Variants in ANKUB1 observed in about 807,000 individuals in gnomAD.
ANKUB1 encodes the protein ankyrin repeat and ubiquitin domain containing 1.
ANKUB1 carries 42 observed loss-of-function variants against 49.3 expected under a neutral mutation model. The observed-to-expected ratio is 0.85, with a 90% CI of 0.67 to 1.10. The LOEUF (loss-of-function observed/expected upper bound fraction) is 1.10. Ranked by LOEUF, ANKUB1 falls within the 50% of genes least tolerant of loss-of-function variation. The pLI, the probability that ANKUB1 is intolerant of heterozygous loss-of-function variation, is 0.00. For missense variants in ANKUB1, 613 were observed against 642.0 expected (o/e 0.95, Z 0.49); for synonymous variants, 222 against 231.0 (o/e 0.96, Z 0.35).
rs116962630 is a variant in ANKUB1 at position 149,762,431 on chromosome 3, A to G, written c.1506-818T>C. Among the ~76,000 whole-genome samples, 629 of 152,334 alleles carry G rather than the reference A, an allele frequency of 4.1e-3. 11 individuals carry two copies. Among genetic ancestry groups the G allele is most frequent in the East Asian group, 0.016 (83 of 5,194 alleles). On this transcript the variant is annotated intron_variant, in intron 5 of 5. Coordinates refer to ENST00000446160, the MANE Select transcript of ANKUB1 (RefSeq NM_001144960.3). ...ATCCTCACCATCTCCAAAGCTAGAA[A>G]CGAAACTAAATTCCTTCTTTCTCTA... is the stretch of plus-strand genomic sequence containing the variant.
At chr3:149,764,261 T>C (rs1286558081) in intron 5 of ANKUB1, among the ~76,000 whole-genome samples, 2 of 152,140 alleles carry the variant, frequency 1.3e-5, no homozygotes, top group Non-Finnish European at 2.9e-5. Flanking sequence ...GTGACTTCTA[T>C]GGGGAACTTG....
At chr3:149,788,760 T>TTTTTCTTTTTCTTTTC (rs1264239094) in intron 2 of ANKUB1, among the ~76,000 whole-genome samples, 1 of 151,702 alleles carries the variant, frequency 6.6e-6, no homozygotes. Flanking sequence ...AAGGGAGAGT[T>TTTTTCTTTTTCTTTTC]TTTTCTTTTT....
intron 3 of ANKUB1, among the ~76,000 whole-genome samples, chr3:149,772,276 C>T (rs915755412): frequency 2.6e-4 from 39 of 152,192 alleles, no homozygotes; most frequent in African/African-American, 9.2e-4. Flanking sequence ...CCGCCTTGGC[C>T]TCCCACAGTG....
At position 149,761,603 on chromosome 3, in the gene ANKUB1, C is replaced by T. The variant is rs1190662234; in HGVS notation, c.1516G>A (p.Glu506Lys). 1.4e-5 allele frequency: 21 copies of T among 1,550,790 alleles called. No homozygotes were observed. Among genetic ancestry groups the T allele is most frequent in the Non-Finnish European group, 1.7e-5 (19 of 1,146,586 alleles). The part of the protein sequence containing the change: ...YCLAVASAFK[E>K]KRWLQQLEIA... ...TCTAACTGCTGAAGCCATCGTTTCT[C>T]TTTAAAGGCACTGCAAGAAAACAAG... Residue 506 changes from glutamate to lysine, a missense_variant, in exon 6 of 6, where the codon GAG (glutamate) becomes AAG (lysine). By Grantham distance (56) the Glu-to-Lys change is moderately conservative (BLOSUM62 1). Coordinates refer to ENST00000446160, the MANE Select transcript of ANKUB1 (RefSeq NM_001144960.3).
At chr3:149,786,891 G>C (rs1320178830) in intron 2 of ANKUB1, among the ~76,000 whole-genome samples, 1 of 152,124 alleles carries the variant, frequency 6.6e-6, no homozygotes, top group Admixed American at 6.5e-5. Flanking sequence ...GTCAATGTGT[G>C]ATATTATTTC....
intron 2 of ANKUB1, among the ~76,000 whole-genome samples, chr3:149,789,652 T>C (rs9873228): frequency 0.83 from 122,617 of 148,372 alleles, 50,769 homozygotes; most frequent in East Asian, 0.9. Context: ...TTTTCCGAGA[T>C]GGGGTCTCAC....
chr3:149,788,163 C>A (rs1165510238), intron 2 of ANKUB1, among the ~76,000 whole-genome samples: 1 of 152,114 alleles, frequency 6.6e-6, no homozygotes, highest in Non-Finnish European at 1.5e-5. Context: ...AGTAAAGCAA[C>A]TAACATGACT....
intron 5 of ANKUB1, among the ~76,000 whole-genome samples, chr3:149,764,517 C>T (rs570027344): frequency 1.9e-5 from 2 of 106,570 alleles, no homozygotes; most frequent in African/African-American, 3.9e-5. Context: ...CACCACTCCC[C>T]CTATGGGTCT....
chr3:149,785,026 A>AG (rs1281568131), intron 2 of ANKUB1, among the ~76,000 whole-genome samples: 2 of 152,190 alleles, frequency 1.3e-5, no homozygotes, highest in Non-Finnish European at 2.9e-5. Context: ...GTTAAAATGA[A>AG]GGGGGCAAAA....
Position 149,781,233 on chromosome 3 carries a change from C to T in ANKUB1, c.235-778G>A, listed in dbSNP as rs984121154. On this transcript the variant is annotated intron_variant, in intron 2 of 5. Coordinates refer to ENST00000446160, the MANE Select transcript of ANKUB1 (RefSeq NM_001144960.3). ...GGAAAGCAAGTAGAATTGAGATATC[C>T]AAAGCAGAGTTAAGATGGAAAGTTT... Among the ~76,000 whole-genome samples the T allele has an allele frequency of 3.9e-5, 6 of 152,120 alleles. No homozygotes were observed. In the East Asian group the frequency reaches 5.8e-4, roughly 15 times the overall value.
At chr3:149,791,141 C>G (rs1718339976) in intron 1 of ANKUB1, among the ~76,000 whole-genome samples, 1 of 152,102 alleles carries the variant, frequency 6.6e-6, no homozygotes, top group African/African-American at 2.4e-5. Flanking sequence ...TTTATTAACT[C>G]TAAATGAAAT....
In ANKUB1 at chr3:149,761,593, C is replaced by T; in HGVS notation, c.1526G>A (p.Trp509Ter). The change falls in exon 6 of 6, where the codon TGG becomes TAG. Residue 509 changes from tryptophan (W) to a stop codon, truncating the protein, a stop_gained. Transcript: ENST00000446160. LOFTEE classifies it high-confidence loss of function. ...AVASAFKEKR[W>*]LQQLEIARVL... ...TCTTGCTATTTCTAACTGCTGAAGCCATCGTTTCTCTTTAAAGGCACTGCA... is the reference window on the plus strand; with the variant it reads ...TCTTGCTATTTCTAACTGCTGAAGCTATCGTTTCTCTTTAAAGGCACTGCA... 2 of 1,550,966 alleles carry T rather than the reference C, an allele frequency of 1.3e-6. No homozygotes were observed. The highest frequency in any genetic ancestry group is 1.2e-5 in the South Asian group (1 of 84,018).
chr3:149,775,896 T>A (rs1717574102), intron 3 of ANKUB1, among the ~76,000 whole-genome samples: 1 of 151,724 alleles, frequency 6.6e-6, no homozygotes. Flanking sequence ...AGACTAGGTG[T>A]GTGTGTGCGT....
intron 5 of ANKUB1, chr3:149,766,873 G>GCAGCAGCAA (rs1717048689): frequency 8.8e-7 from 1 of 1,133,430 alleles, no homozygotes; most frequent in African/African-American, 1.7e-5. Flanking sequence ...AGCAGCAGCA[G>GCAGCAGCAA]CAGCAGCAAG....
In ANKUB1 at chr3:149,792,330, G is replaced by A; in HGVS notation, c.37C>T (p.Pro13Ser). ...GTTTCATCTGCTGAAACATCAAACGGTTCAAAAGATCCTTCAAAGGCGATG... is the reference window on the plus strand; with the variant it reads ...GTTTCATCTGCTGAAACATCAAACGATTCAAAAGATCCTTCAAAGGCGATG... ...IFIAFEGSFE[P>S]FDVSADETVE... The change falls in exon 1 of 6, where the codon CCG (proline) becomes TCG (serine). Residue 13 changes from proline to serine, a missense_variant. Coordinates refer to ENST00000446160, the MANE Select transcript of ANKUB1 (RefSeq NM_001144960.3). 2.0e-6 allele frequency: 3 copies of A among 1,529,366 alleles called. No individual in the cohort carries two copies. Among genetic ancestry groups the A allele is most frequent in the South Asian group, 1.2e-5 (1 of 80,676 alleles). 94.7% of individuals were successfully genotyped at this position (1,529,366 alleles called of 1,614,324 possible).
Position 149,792,518 on chromosome 3 carries a change from G to A in ANKUB1, c.-152C>T. 1 of 502,948 alleles carries A rather than the reference G, an allele frequency of 2.0e-6. No homozygotes were observed. The highest frequency in any genetic ancestry group is 3.3e-5 in the East Asian group (1 of 30,436). 31.2% of individuals were successfully genotyped at this position (502,948 alleles called of 1,614,324 possible). The stretch of plus-strand genomic sequence containing the variant: ...TCAAAGGTAAGTTGTAGAATGTGAA[G>A]AGCCTAGTCCCACAGTGCCACAGTA... On this transcript the variant is annotated 5_prime_UTR_variant, in exon 1 of 6. Transcript: ENST00000446160.
At chr3:149,764,981 G>A (rs1716950382) in intron 5 of ANKUB1, among the ~76,000 whole-genome samples, 1 of 152,098 alleles carries the variant, frequency 6.6e-6, no homozygotes, top group South Asian at 2.1e-4. Flanking sequence ...GTCAAGAGAA[G>A]TGAACGCAGA....
chr3:149,783,450 A>T (rs1364187039), intron 2 of ANKUB1: 1 of 152,246 alleles, frequency 6.6e-6, no homozygotes, highest in African/African-American at 2.4e-5. Flanking sequence ...AAAGTATCTT[A>T]CTTTTCAATA....
At chr3:149,778,321 C>G (rs1013326389) in intron 3 of ANKUB1, 1 of 152,108 alleles carries the variant, frequency 6.6e-6, no homozygotes, top group African/African-American at 2.4e-5. Flanking sequence ...GTTCCTACTC[C>G]CAGAGGGTCA....
Sources: allele counts gnomAD v4.1 joint callset (sites outside exome capture counted in the v4.1 genomes callset), GRCh38; gene constraint gnomAD v4.1.1; transcripts MANE v1.5; gene names NCBI Gene and HGNC (gene_info 2026-07-23, HGNC 2026-07-21).